TPRKB: variants seen among roughly 807,000 people sequenced by gnomAD.
The protein encoded by TPRKB is EKC/KEOPS complex subunit TPRKB.
TPRKB carries 11 observed loss-of-function variants against 17.8 expected under a neutral mutation model. That is an observed-to-expected ratio of 0.62 (90% CI 0.39 to 1.02). The LOEUF (loss-of-function observed/expected upper bound fraction) is 1.02. Ranked by LOEUF, TPRKB falls within the 50% of genes least tolerant of loss-of-function variation. TPRKB has a pLI of 0.00. For missense variants in TPRKB, 228 were observed against 198.0 expected, an observed-to-expected ratio of 1.15 and a Z score of -0.91; for synonymous variants, 71 against 69.5, an observed-to-expected ratio of 1.02 and a Z score of -0.11.
At chr2:73,734,738 CATGAG>C (rs1429091590) in intron 1 of TPRKB, 147 bp from the exon 2 acceptor site, 3 of 730,594 alleles carry the variant, frequency 4.1e-6, no homozygotes, top group South Asian at 4.0e-5. Flanking sequence ...TTGGCATCCT[CATGAG>C]ATGTTGTCTT....
intron 1 of TPRKB, among the ~76,000 whole-genome samples, chr2:73,735,050 T>A (rs371441579): frequency 6.6e-6 from 1 of 152,172 alleles, no homozygotes; most frequent in African/African-American, 2.4e-5. Context: ...TAAAGTAGGC[T>A]GGGTGCAGTG....
At position 73,729,885 on chromosome 2, in the gene TPRKB, GA is replaced by G; in HGVS notation, c.*57del. 7.0e-7 allele frequency: 1 copy of G among 1,420,524 alleles called. No homozygotes were observed. The highest frequency in any genetic ancestry group is 9.4e-7 in the Non-Finnish European group (1 of 1,066,434). 88.0% of individuals were successfully genotyped at this position (1,420,524 alleles called of 1,614,324 possible). ...AATGCACAATTAGTTTTATAGTCAGGAAAGGAAAATCAATGTTTTCTTTAAT... is the reference window on the plus strand; with the variant it reads ...AATGCACAATTAGTTTTATAGTCAGGAAGGAAAATCAATGTTTTCTTTAAT... On this transcript the variant is annotated 3_prime_UTR_variant, in exon 5 of 5. Coordinates refer to ENST00000272424, the MANE Select transcript of TPRKB (RefSeq NM_016058.5).
chr2:73,730,439 T>A (rs1190697689), intron 4 of TPRKB, 121 bp downstream of exon 4: 6 of 668,358 alleles, frequency 9.0e-6, no homozygotes, highest in Admixed American at 3.8e-5. Context: ...AAGTAATTTT[T>A]AAAATTAGAT....
intron 2 of TPRKB, among the ~76,000 whole-genome samples, chr2:73,733,224 A>G (rs1472861584): frequency 6.7e-6 from 1 of 149,710 alleles, no homozygotes; most frequent in East Asian, 2.0e-4. Context: ...TCCCGGTAAC[A>G]TGATCGCACT....
chr2:73,729,969 T>C lies in TPRKB; in HGVS notation c.502A>G (p.Arg168Gly). 6.4e-7 allele frequency: 1 copy of C among 1,574,598 alleles called. No individual in the cohort carries two copies. Among genetic ancestry groups the C allele is most frequent in the Non-Finnish European group, 8.6e-7 (1 of 1,156,570 alleles). ...CATAAAACATCTTTTGTTGACATTC[T>C]ACAAATGATAGCATCCAATAATGTC... ...IGTLLDAIIC[R>G]MSTKDVL Residue 168 changes from arginine (R) to glycine (G), a missense_variant, in exon 5 of 5, where the codon AGA becomes GGA. Arg to Gly is a moderately radical substitution (Grantham distance 125). Coordinates refer to ENST00000272424, the MANE Select transcript of TPRKB (RefSeq NM_016058.5).
chr2:73,735,050 T>C (rs371441579), intron 1 of TPRKB, among the ~76,000 whole-genome samples: 2 of 152,172 alleles, frequency 1.3e-5, no homozygotes, highest in East Asian at 1.9e-4. Flanking sequence ...TAAAGTAGGC[T>C]GGGTGCAGTG....
rs772668640 is a variant in TPRKB, at chr2:73,729,931, A to G, written c.*12T>C. On this transcript the variant is annotated 3_prime_UTR_variant, in exon 5 of 5. Coordinates refer to ENST00000272424, the MANE Select transcript of TPRKB (RefSeq NM_016058.5). Reference sequence around the variant, plus strand: ...TTTAATGCTGAGAATTTTTGTTAATATTTCTGACATTTCATAAAACATCTT... The same window carrying G: ...TTTAATGCTGAGAATTTTTGTTAATGTTTCTGACATTTCATAAAACATCTT... The G allele has an allele frequency of 1.3e-6, 2 of 1,537,818 alleles. No individual in the cohort carries two copies. The highest frequency in any genetic ancestry group is 4.0e-5 in the Admixed American group (2 of 50,060).
intron 2 of TPRKB, 55 bp downstream of exon 2, chr2:73,734,374 C>T (rs1483127579): frequency 2.6e-6 from 4 of 1,555,112 alleles, no homozygotes; most frequent in African/African-American, 2.7e-5. Flanking sequence ...GCTGGCATTA[C>T]AGGCGTGAGC....
chr2:73,731,002 T>C (rs964275618), intron 3 of TPRKB: 2 of 260,300 alleles, frequency 7.7e-6, no homozygotes, highest in Non-Finnish European at 1.4e-5. Context: ...CTCCTCCCTC[T>C]GGTGCCAAGT....
At chr2:73,732,928 TAGTAGTAGC>T (rs751113360) in intron 2 of TPRKB, among the ~76,000 whole-genome samples, 4 of 152,104 alleles carry the variant, frequency 2.6e-5, no homozygotes, top group Admixed American at 2.6e-4. Context: ...CTATTATTAG[TAGTAGTAGC>T]AGTAGTAGTA....
intron 2 of TPRKB, among the ~76,000 whole-genome samples, chr2:73,732,854 A>T (rs964973021): frequency 6.6e-6 from 1 of 152,230 alleles, no homozygotes; most frequent in African/African-American, 2.4e-5. Context: ...GGGCATGATC[A>T]TATTGCAAAC....
intron 3 of TPRKB, among the ~76,000 whole-genome samples, chr2:73,731,343 CTG>C (rs1671600956): frequency 6.6e-6 from 1 of 152,176 alleles, no homozygotes; most frequent in Admixed American, 6.5e-5. Flanking sequence ...GCCCCTAGAA[CTG>C]TAAATGGAAC....
At chr2:73,734,987 T>C (rs1316116316) in intron 1 of TPRKB, among the ~76,000 whole-genome samples, 2 of 152,238 alleles carry the variant, frequency 1.3e-5, no homozygotes, top group African/African-American at 4.8e-5. Flanking sequence ...ATTTTATTTA[T>C]ATTTTAGGAA....
intron 1 of TPRKB, 139 bp from the exon 2 acceptor site, chr2:73,734,730 G>T: frequency 2.6e-6 from 2 of 774,040 alleles, no homozygotes; most frequent in Non-Finnish European, 3.9e-6. Flanking sequence ...AAGCCCATTT[G>T]GCATCCTCAT....
At chr2:73,731,367 T>C (rs1027706404) in intron 3 of TPRKB, among the ~76,000 whole-genome samples, 6 of 152,234 alleles carry the variant, frequency 3.9e-5, no homozygotes, top group Non-Finnish European at 8.8e-5. Flanking sequence ...GGGAAAAAGT[T>C]CAACAGATGT....
At position 73,730,576 on chromosome 2, in the gene TPRKB, A is replaced by C; in HGVS notation, c.425T>G (p.Ile142Ser). The C allele has an allele frequency of 6.3e-7, 1 of 1,589,248 alleles. No individual in the cohort carries two copies. Residue 142 changes from isoleucine (I) to serine (S), a missense_variant, in exon 4 of 5, where the codon ATT becomes AGT. Coordinates refer to ENST00000272424, the MANE Select transcript of TPRKB (RefSeq NM_016058.5). ...CTGGCAAACCTTTTTGACTTCTGTAATATTCATTATTTCAGGAAGATTTTT... is the reference window on the plus strand; with the variant it reads ...CTGGCAAACCTTTTTGACTTCTGTACTATTCATTATTTCAGGAAGATTTTT... ...SLKNLPEIMNITEVKKIYKLS... is the reference protein window; with the variant it reads ...SLKNLPEIMNSTEVKKIYKLS...
At chr2:73,734,333 A>G in intron 2 of TPRKB, 96 bp downstream of exon 2, 5 of 1,285,164 alleles carry the variant, frequency 3.9e-6, no homozygotes, top group Non-Finnish European at 5.3e-6. Context: ...TCCTGACCTC[A>G]GATGATCCAC....
intron 3 of TPRKB, 30 bp downstream of exon 3, chr2:73,732,133 G>A (rs200134886): frequency 5.7e-5 from 91 of 1,604,368 alleles, no homozygotes; most frequent in East Asian, 3.1e-4. Flanking sequence ...ATTATGACAC[G>A]GTCAACAGAA....
chr2:73,731,608 GCAGT>G (rs1178468928), intron 3 of TPRKB, among the ~76,000 whole-genome samples: 4 of 152,164 alleles, frequency 2.6e-5, no homozygotes, highest in African/African-American at 4.8e-5. Flanking sequence ...CAGCAAAATT[GCAGT>G]CATTTTTTTC....
Sources: gnomAD v4.1 joint callset for allele counts (sites outside exome capture counted in the v4.1 genomes callset) on GRCh38, gnomAD v4.1.1 for gene constraint, MANE v1.5 for transcripts, NCBI Gene and HGNC (gene_info 2026-07-23, HGNC 2026-07-21) for gene names.